The following ADGRB3 variants were observed in gnomAD, a reference collection of about 807,000 sequenced individuals.
ADGRB3 encodes the protein brain-specific angiogenesis inhibitor 3.
In ADGRB3, 37 loss-of-function variants were observed where a neutral mutation model predicts 193.4. That is an observed-to-expected ratio of 0.19 (90% CI 0.15 to 0.25). The LOEUF is 0.25. ADGRB3 is among the 10% of genes least tolerant of loss of function. ADGRB3 has a pLI of 1.00. For missense variants in ADGRB3, 1,637 were observed against 1,852.9 expected (o/e 0.88, Z 2.14); for synonymous variants, 690 against 644.2 (o/e 1.07, Z -1.08).
chr6:68,666,683 G>A (rs775392950), intron 3 of ADGRB3, among the ~76,000 whole-genome samples: 24 of 151,660 alleles, frequency 1.6e-4, no homozygotes, highest in South Asian at 2.1e-4. Context: ...CTACCTTATC[G>A]TCTAATTTTG....
rs866634115 is a variant in ADGRB3 at position 69,250,274 on chromosome 6, G to A, written c.2814+11048G>A. On this transcript the variant is annotated intron_variant, in intron 20 of 31. Coordinates refer to ENST00000370598, the MANE Select transcript of ADGRB3 (RefSeq NM_001704.3). ...TTTTTCCTAATGAATAGAAAGATGT[G>A]TATTGCTTTTACAAAATACAAATTA... 2.0e-4 allele frequency among the ~76,000 whole-genome samples: 31 copies of A among 152,116 alleles called. 1 individual carries two copies. Among genetic ancestry groups the A allele is most frequent in the African/African-American group, 7.0e-4 (29 of 41,494 alleles).
chr6:68,729,376 TAC>T (rs1562008018), intron 3 of ADGRB3, among the ~76,000 whole-genome samples: 2 of 151,656 alleles, frequency 1.3e-5, no homozygotes, highest in African/African-American at 4.8e-5. Context: ...TTGACTATAG[TAC>T]AGAAATGATA....
chr6:69,361,427 A>T lies in ADGRB3; in HGVS notation c.4154A>T (p.Lys1385Met), dbSNP rs777179845. The T allele has an allele frequency of 1.2e-6, 2 of 1,612,922 alleles. No homozygotes were observed. The highest frequency in any genetic ancestry group is 1.7e-6 in the Non-Finnish European group (2 of 1,179,248). ...NLPFEPRTAV[K>M]NFMASELDDN... ...CCCTTTGAACCTCGCACAGCTGTGA[A>T]GAATTTCATGGCCTCTGAGTTGGAT... is the stretch of plus-strand genomic sequence containing the variant. Residue 1385 changes from lysine (K) to methionine (M), a missense_variant, in exon 29 of 32, where the codon AAG becomes ATG. Lys to Met is a moderately conservative substitution (Grantham distance 95). Coordinates refer to ENST00000370598, the MANE Select transcript of ADGRB3 (RefSeq NM_001704.3).
At chr6:68,791,049 T>TAAA (rs35408314) in intron 3 of ADGRB3, among the ~76,000 whole-genome samples, 4 of 97,346 alleles carry the variant, frequency 4.1e-5, no homozygotes, top group Admixed American at 1.1e-4. Context: ...CCACATCTCT[T>TAAA]AAAAAAAAAA....
chr6:68,885,543 C>A (rs1411234481), intron 3 of ADGRB3, among the ~76,000 whole-genome samples: 1 of 152,124 alleles, frequency 6.6e-6, no homozygotes, highest in East Asian at 1.9e-4. Context: ...ATATTTATCA[C>A]ATGCTCAGTA....
intron 20 of ADGRB3, among the ~76,000 whole-genome samples, chr6:69,280,000 G>A (rs1767400167): frequency 6.6e-6 from 1 of 152,182 alleles, no homozygotes; most frequent in Admixed American, 6.5e-5. Flanking sequence ...ACGGTTGTGA[G>A]GCGTCTGCGC....
chr6:68,990,420 AGGAAGG>A (rs1166795570), intron 10 of ADGRB3, among the ~76,000 whole-genome samples: 5 of 152,150 alleles, frequency 3.3e-5, no homozygotes, highest in Non-Finnish European at 7.4e-5. Context: ...CTACAATGCC[AGGAAGG>A]ATGCTAATCA....
At chr6:69,049,631 A>T (rs1449112008) in intron 15 of ADGRB3, among the ~76,000 whole-genome samples, 2 of 152,132 alleles carry the variant, frequency 1.3e-5, no homozygotes, top group African/African-American at 4.8e-5. Flanking sequence ...AAAAATCACA[A>T]GTGTCTATAA....
At chr6:69,235,007 C>CT in intron 18 of ADGRB3, 25 bp from the exon 19 acceptor site, 2 of 1,556,396 alleles carry the variant, frequency 1.3e-6, no homozygotes, top group South Asian at 2.3e-5. Context: ...CAATTTGTTT[C>CT]TTTTTTGTTT....
chr6:69,372,490 T>C (rs758250916), intron 30 of ADGRB3, 49 bp downstream of exon 30: 1 of 1,003,532 alleles, frequency 1.0e-6, no homozygotes, highest in Non-Finnish European at 1.4e-6. Context: ...GAATTCAAAA[T>C]AGATATATAG....
chr6:68,952,086 T>C (rs1767935065), intron 6 of ADGRB3, among the ~76,000 whole-genome samples: 1 of 152,168 alleles, frequency 6.6e-6, no homozygotes, highest in Non-Finnish European at 1.5e-5. Flanking sequence ...GCACAAATTC[T>C]ATCTGGAAAT....
At chr6:68,998,594 A>G (rs1207056897) in intron 11 of ADGRB3, among the ~76,000 whole-genome samples, 1 of 152,238 alleles carries the variant, frequency 6.6e-6, no homozygotes, top group African/African-American at 2.4e-5. Flanking sequence ...GTCTGTGTGT[A>G]GCCACTTAAC....
At chr6:69,298,757 T>C (rs1396347363) in intron 20 of ADGRB3, among the ~76,000 whole-genome samples, 1 of 152,034 alleles carries the variant, frequency 6.6e-6, no homozygotes, top group Non-Finnish European at 1.5e-5. Flanking sequence ...TTTGTATTAA[T>C]ATGACTTTTT....
intron 17 of ADGRB3, among the ~76,000 whole-genome samples, chr6:69,139,997 A>G (rs1774280334): frequency 6.6e-6 from 1 of 152,204 alleles, no homozygotes; most frequent in African/African-American, 2.4e-5. Context: ...CACTAGAACT[A>G]GAGTCTGTAT....
chr6:68,921,334 G>C (rs941430900), intron 3 of ADGRB3, among the ~76,000 whole-genome samples: 1 of 152,190 alleles, frequency 6.6e-6, no homozygotes, highest in African/African-American at 2.4e-5. Flanking sequence ...TAGCAGACAA[G>C]TGTATCAACA....
At chr6:69,096,672 T>C (rs1203036431) in intron 17 of ADGRB3, among the ~76,000 whole-genome samples, 1 of 152,186 alleles carries the variant, frequency 6.6e-6, no homozygotes, top group Non-Finnish European at 1.5e-5. Context: ...TCCAGTTCTT[T>C]CTACTGATAT....
chr6:69,055,389 A>T (rs1200959277), intron 15 of ADGRB3, among the ~76,000 whole-genome samples: 2 of 152,232 alleles, frequency 1.3e-5, no homozygotes, highest in Admixed American at 6.5e-5. Flanking sequence ...TGCAGTATTC[A>T]TCTTTTTGTG....
At chr6:68,884,686 T>C (rs548850649) in intron 3 of ADGRB3, among the ~76,000 whole-genome samples, 1 of 151,832 alleles carries the variant, frequency 6.6e-6, no homozygotes, top group Non-Finnish European at 1.5e-5. Flanking sequence ...GTGAAAGAGA[T>C]AGAGAAAAAC....
At chr6:68,996,021 G>A (rs3798996) in intron 11 of ADGRB3, among the ~76,000 whole-genome samples, 17,430 of 151,946 alleles carry the variant, frequency 0.11, 1,258 homozygotes, top group African/African-American at 0.21. Context: ...TGAACTTCAC[G>A]TTACTTTAGT....
Sources: allele counts gnomAD v4.1 joint callset (sites outside exome capture counted in the v4.1 genomes callset), GRCh38; gene constraint gnomAD v4.1.1; transcripts MANE v1.5; gene names NCBI Gene and HGNC (gene_info 2026-07-23, HGNC 2026-07-21).